The following TANGO6 variants were observed in gnomAD, a reference collection of about 807,000 sequenced individuals.
TANGO6 encodes the protein transport and golgi organization 6 homolog.
In TANGO6, 90 loss-of-function variants were observed where a neutral mutation model predicts 114.2. That is an observed-to-expected ratio of 0.79 (90% CI 0.66 to 0.94). The LOEUF is 0.94. Ranked by LOEUF, TANGO6 falls within the 40% of genes least tolerant of loss-of-function variation. The pLI, the probability that TANGO6 is intolerant of heterozygous loss-of-function variation, is 0.00. For missense variants in TANGO6, 1,274 were observed against 1,315.3 expected, an observed-to-expected ratio of 0.97 and a Z score of 0.49; for synonymous variants, 477 against 509.8, an observed-to-expected ratio of 0.94 and a Z score of 0.87.
At chr16:68,882,080 T>A (rs1962468938) in intron 7 of TANGO6, among the ~76,000 whole-genome samples, 1 of 152,098 alleles carries the variant, frequency 6.6e-6, no homozygotes, top group South Asian at 2.1e-4. Context: ...AAAACTGTAT[T>A]TCATATAAAA....
chr16:68,855,063 GGC>G (rs1415441499), intron 1 of TANGO6, among the ~76,000 whole-genome samples: 2 of 150,090 alleles, frequency 1.3e-5, no homozygotes, highest in Non-Finnish European at 3.0e-5. Flanking sequence ...GGAGTCCAAT[GGC>G]GTGATCTCAG....
intron 7 of TANGO6, among the ~76,000 whole-genome samples, chr16:68,888,303 G>A (rs1376146324): frequency 6.6e-6 from 1 of 152,152 alleles, no homozygotes; most frequent in Non-Finnish European, 1.5e-5. Flanking sequence ...CCTGGTATGA[G>A]AAGGATTAAT....
intron 14 of TANGO6, among the ~76,000 whole-genome samples, chr16:68,973,666 T>A (rs1179884025): frequency 8.5e-5 from 13 of 152,202 alleles, no homozygotes; most frequent in African/African-American, 2.9e-4. Context: ...TCCAGGATGC[T>A]CTGAAAATGT....
At chr16:69,048,871 A>G (rs1959902006) in intron 17 of TANGO6, among the ~76,000 whole-genome samples, 1 of 152,148 alleles carries the variant, frequency 6.6e-6, no homozygotes, top group Non-Finnish European at 1.5e-5. Flanking sequence ...TGTGTTGGAA[A>G]AGGAGCAGTA....
At chr16:68,890,237 A>C (rs1399957072) in intron 7 of TANGO6, among the ~76,000 whole-genome samples, 2 of 152,250 alleles carry the variant, frequency 1.3e-5, no homozygotes, top group Non-Finnish European at 2.9e-5. Context: ...ATAAATTAAG[A>C]AAATATTTCC....
At chr16:68,861,027 G>T (rs1296364046) in intron 2 of TANGO6, among the ~76,000 whole-genome samples, 1 of 152,088 alleles carries the variant, frequency 6.6e-6, no homozygotes, top group African/African-American at 2.4e-5. Flanking sequence ...AGGTGTTAGG[G>T]GTATATGCCC....
intron 15 of TANGO6, among the ~76,000 whole-genome samples, chr16:69,007,707 CTA>C (rs1223911975): frequency 6.6e-6 from 1 of 152,108 alleles, no homozygotes; most frequent in Non-Finnish European, 1.5e-5. Flanking sequence ...TATGGTAACT[CTA>C]TGTTTAACTT....
intron 15 of TANGO6, among the ~76,000 whole-genome samples, chr16:68,975,424 G>A (rs1963754569): frequency 6.6e-6 from 1 of 151,360 alleles, no homozygotes; most frequent in Non-Finnish European, 1.5e-5. Context: ...GTCTCACTAT[G>A]TTTTCAGGCT....
At chr16:68,973,932 C>T in intron 14 of TANGO6, 96 bp from the exon 15 acceptor site, 2 of 1,383,242 alleles carry the variant, frequency 1.4e-6, no homozygotes, top group Non-Finnish European at 2.0e-6. Context: ...AGATGGTTTT[C>T]AGCATCTCTG....
intron 9 of TANGO6, among the ~76,000 whole-genome samples, chr16:68,902,874 G>C (rs1962803273): frequency 6.6e-6 from 1 of 152,150 alleles, no homozygotes; most frequent in South Asian, 2.1e-4. Flanking sequence ...TTTATAGTCA[G>C]ACTTATTCCT....
At chr16:69,044,746 G>A (rs1255925472) in intron 17 of TANGO6, among the ~76,000 whole-genome samples, 1 of 152,180 alleles carries the variant, frequency 6.6e-6, no homozygotes, top group East Asian at 1.9e-4. Flanking sequence ...AGCAGGGTGT[G>A]TTGGCACATG....
chr16:68,937,411 C>T (rs565390402), intron 14 of TANGO6: 1 of 152,184 alleles, frequency 6.6e-6, no homozygotes, highest in Non-Finnish European at 1.5e-5. Context: ...ATGTAATTTA[C>T]ATACCTAAAA....
chr16:68,971,086 A>G (rs1963700161), intron 14 of TANGO6, among the ~76,000 whole-genome samples: 1 of 150,312 alleles, frequency 6.7e-6, no homozygotes, highest in African/African-American at 2.4e-5. Context: ...CGGGAGGTGG[A>G]AGTTGCAGTG....
At chr16:68,913,462 G>A (rs1323619106) in intron 11 of TANGO6, among the ~76,000 whole-genome samples, 11 of 143,850 alleles carry the variant, frequency 7.6e-5, no homozygotes, top group African/African-American at 2.9e-4. Context: ...AGGCTGGAGT[G>A]CAGCAGCGCA....
At chr16:68,856,282 CT>C (rs1961991133) in intron 1 of TANGO6, among the ~76,000 whole-genome samples, 2 of 152,122 alleles carry the variant, frequency 1.3e-5, no homozygotes, top group Non-Finnish European at 2.9e-5. Context: ...CCCTTTTATT[CT>C]TAATTTGTGT....
In TANGO6 at chr16:69,084,591, TTA is replaced by T. The variant is rs778590651; in HGVS notation, c.*934_*935del. On this transcript the variant is annotated 3_prime_UTR_variant, in exon 18 of 18. Transcript: ENST00000261778. ...GCACTGTGGTCTCCACTTTATTTCT[TTA>T]TATGTTTTGGCCGCTGCATTTTGAT... 22 of 152,362 alleles carry T rather than the reference TTA, an allele frequency of 1.4e-4. No homozygotes were observed. Among genetic ancestry groups the T allele is most frequent in the Non-Finnish European group, 2.6e-4 (18 of 68,038 alleles). The allele number at this position is 152,362 out of a possible 1,614,324, so 9.4% of individuals were successfully genotyped here. A position where few individuals can be genotyped will look rare whatever the true frequency, so the allele number is the denominator to read the frequency against.
chr16:69,052,103 C>A (rs1292875827), intron 17 of TANGO6, among the ~76,000 whole-genome samples: 2 of 150,996 alleles, frequency 1.3e-5, no homozygotes, highest in Admixed American at 1.3e-4. Flanking sequence ...TGTACCACCA[C>A]ACCTGGCTAA....
chr16:69,032,600 C>A (rs549890503), intron 16 of TANGO6, among the ~76,000 whole-genome samples: 1 of 151,980 alleles, frequency 6.6e-6, no homozygotes. Context: ...TACTGTTGGC[C>A]GGGCATGGTG....
chr16:68,868,144 CA>C (rs5817657), intron 4 of TANGO6, among the ~76,000 whole-genome samples: 20,155 of 108,270 alleles, frequency 0.19, 1,517 homozygotes, highest in Non-Finnish European at 0.24. Context: ...GACCTTGTCT[CA>C]AAAAAAAAAA....
Sources: allele counts gnomAD v4.1 joint callset (sites outside exome capture counted in the v4.1 genomes callset), GRCh38; gene constraint gnomAD v4.1.1; transcripts MANE v1.5; gene names NCBI Gene and HGNC (gene_info 2026-07-23, HGNC 2026-07-21).